MKLN1: variants seen among roughly 807,000 people sequenced by gnomAD.
MKLN1 encodes the protein muskelin 1.
Under a neutral mutation model 99.0 loss-of-function variants are expected in MKLN1, and 18 were observed. The ratio of observed to expected loss-of-function variants is 0.18; its 90% confidence interval spans 0.13 to 0.27. The LOEUF is 0.27. MKLN1 is among the 10% of genes least tolerant of loss of function. The pLI is 1.00. For synonymous variants in MKLN1, 288 were observed against 293.2 expected (o/e 0.98, Z 0.18); for missense variants, 621 against 875.9 (o/e 0.71, Z 3.67).
upstream of MKLN1, among the ~76,000 whole-genome samples, chr7:131,322,938 G>A (rs1040346833): frequency 2.6e-5 from 4 of 152,134 alleles, no homozygotes; most frequent in African/African-American, 9.7e-5. Context: ...CAGCATGGGG[G>A]AAACTGCCTC....
chr7:131,246,676 C>T (rs1416882441), intron 3 of MKLN1, among the ~76,000 whole-genome samples: 2 of 149,848 alleles, frequency 1.3e-5, no homozygotes, highest in Non-Finnish European at 3.0e-5. Flanking sequence ...TTTGTAGAGA[C>T]GGGGTTTTGC....
At position 131,464,316 on chromosome 7, in the gene MKLN1, C is replaced by G. The variant is rs765817273; in HGVS notation, c.1696C>G (p.Gln566Glu). ...NSWSCVYKND[Q>E]AAKDNPTKSL... is the part of the protein sequence containing the mutation. ...CAGGTCTTGTGTCTATAAGAATGAT[C>G]AAGCTGCAAAGGATAATCCAACTAA... The change falls in exon 14 of 18, where the codon CAA becomes GAA. Residue 566 changes from glutamine (Q) to glutamate (E), a missense_variant. Physicochemically the swap from Gln to Glu is conservative, Grantham distance 29. Transcript: ENST00000352689. 3 of 1,612,058 alleles carry G rather than the reference C, an allele frequency of 1.9e-6. No homozygotes were observed. Among genetic ancestry groups the G allele is most frequent in the Middle Eastern group, 1.7e-4 (1 of 6,056 alleles).
intron 2 of MKLN1, among the ~76,000 whole-genome samples, chr7:131,169,827 G>A (rs189374435): frequency 1.3e-5 from 2 of 152,326 alleles, no homozygotes; most frequent in Non-Finnish European, 1.5e-5. Flanking sequence ...TAATGGGGAT[G>A]AAGGAATTAA....
intron 4 of MKLN1, among the ~76,000 whole-genome samples, chr7:131,396,914 C>T (rs1050735380): frequency 1.3e-5 from 2 of 152,198 alleles, no homozygotes; most frequent in Non-Finnish European, 2.9e-5. Flanking sequence ...ATTTCAGTCT[C>T]TTTCAGTGTT....
At chr7:131,211,214 C>T (rs547925075) in intron 3 of MKLN1, among the ~76,000 whole-genome samples, 1 of 152,254 alleles carries the variant, frequency 6.6e-6, no homozygotes, top group Non-Finnish European at 1.5e-5. Context: ...CCAATTGCTC[C>T]TATTTCCATT....
intron 3 of MKLN1, among the ~76,000 whole-genome samples, chr7:131,316,144 C>A (rs894675138): frequency 6.6e-6 from 1 of 152,248 alleles, no homozygotes; most frequent in African/African-American, 2.4e-5. Context: ...GAGAAACCTC[C>A]CAACAGGGCT....
intron 1 of MKLN1, among the ~76,000 whole-genome samples, chr7:131,125,730 C>T (rs1449716155): frequency 6.6e-6 from 1 of 152,064 alleles, no homozygotes; most frequent in Admixed American, 6.6e-5. Context: ...AACAGCCTGG[C>T]ACGGTGGCTC....
At chr7:131,442,512 A>T (rs868186001) in intron 10 of MKLN1, among the ~76,000 whole-genome samples, 28 of 152,256 alleles carry the variant, frequency 1.8e-4, no homozygotes, top group Admixed American at 5.2e-4. Flanking sequence ...ATGCTGTTGC[A>T]CTCTAGCCTG....
intron 2 of MKLN1, among the ~76,000 whole-genome samples, chr7:131,171,725 T>C (rs1405086082): frequency 6.6e-6 from 1 of 152,220 alleles, no homozygotes; most frequent in Non-Finnish European, 1.5e-5. Context: ...CCCAAAGTGC[T>C]GGGATTACAG....
At chr7:131,260,962 C>A (rs1349526428) in intron 3 of MKLN1, among the ~76,000 whole-genome samples, 2 of 152,150 alleles carry the variant, frequency 1.3e-5, no homozygotes, top group East Asian at 3.8e-4. Flanking sequence ...TGAAGCTGGA[C>A]TCCTTCTTTA....
At chr7:131,325,903 G>C (rs558130031), upstream of MKLN1, among the ~76,000 whole-genome samples, 25 of 149,660 alleles carry the variant, frequency 1.7e-4, 1 homozygote, top group Admixed American at 3.3e-4. Context: ...AGAAAAGTGG[G>C]GGGGGGGTGG....
chr7:131,292,883 AC>A (rs1347978561), intron 3 of MKLN1, among the ~76,000 whole-genome samples: 2 of 152,220 alleles, frequency 1.3e-5, no homozygotes, highest in Non-Finnish European at 2.9e-5. Flanking sequence ...TTTGTTAGTT[AC>A]CACTTAATCA....
chr7:131,375,653 G>A (rs1208526608), intron 2 of MKLN1, among the ~76,000 whole-genome samples, 160 bp downstream of exon 2: 1 of 151,808 alleles, frequency 6.6e-6, no homozygotes, highest in Non-Finnish European at 1.5e-5. Context: ...TTAAATTTTG[G>A]AAGAATTTTT....
intron 3 of MKLN1, among the ~76,000 whole-genome samples, chr7:131,242,233 T>A (rs1797414840): frequency 6.6e-6 from 1 of 152,150 alleles, no homozygotes; most frequent in Non-Finnish European, 1.5e-5. Flanking sequence ...GTATTTTCCA[T>A]CTCCGTGAAA....
At chr7:131,275,121 C>G (rs1230529152) in intron 3 of MKLN1, among the ~76,000 whole-genome samples, 2 of 152,070 alleles carry the variant, frequency 1.3e-5, no homozygotes, top group Non-Finnish European at 2.9e-5. Context: ...AAATTTATTT[C>G]TCACAGTTCT....
chr7:131,332,333 A>G (rs142523191), intron 1 of MKLN1, among the ~76,000 whole-genome samples: 4,804 of 148,392 alleles, frequency 0.032, 236 homozygotes, highest in African/African-American at 0.11. Flanking sequence ...ATAGTTATAT[A>G]TTATTATGTT....
intron 1 of MKLN1, among the ~76,000 whole-genome samples, chr7:131,133,783 G>A (rs1009133089): frequency 6.2e-5 from 9 of 146,324 alleles, no homozygotes; most frequent in Non-Finnish European, 1.2e-4. Context: ...CACTACACCC[G>A]GCCCAGGTTG....
chr7:131,190,872 T>C (rs1398483905), intron 2 of MKLN1, among the ~76,000 whole-genome samples: 1 of 152,230 alleles, frequency 6.6e-6, no homozygotes, highest in Non-Finnish European at 1.5e-5. Flanking sequence ...GGGAGTTCTG[T>C]TGCTGGAAAA....
chr7:131,236,433 G>T (rs543216549), intron 3 of MKLN1, among the ~76,000 whole-genome samples: 48 of 152,300 alleles, frequency 3.2e-4, no homozygotes, highest in African/African-American at 1.1e-3. Flanking sequence ...GGCCAAGGTA[G>T]GCAGATCACT....
Sources: gnomAD v4.1 joint callset for allele counts (sites outside exome capture counted in the v4.1 genomes callset) on GRCh38, gnomAD v4.1.1 for gene constraint, MANE v1.5 for transcripts, NCBI Gene and HGNC (gene_info 2026-07-23, HGNC 2026-07-21) for gene names.